Variants in SLC35F3 observed in about 807,000 individuals in gnomAD.
SLC35F3 encodes solute carrier family 35 member F3.
In SLC35F3, 25 loss-of-function variants were observed where a neutral mutation model predicts 49.9. That is an observed-to-expected ratio of 0.50 (90% CI 0.37 to 0.70). The LOEUF (loss-of-function observed/expected upper bound fraction) is 0.70, where lower values mean the gene tolerates loss of function less well. SLC35F3 is among the 30% of genes least tolerant of loss of function. The pLI, the probability that SLC35F3 is intolerant of heterozygous loss-of-function variation, is 0.00. For synonymous variants in SLC35F3, 275 were observed against 265.4 expected (o/e 1.04, Z -0.35); for missense variants, 525 against 639.8 (o/e 0.82, Z 1.94).
At chr1:234,264,398 A>G (rs1667950352) in intron 3 of SLC35F3, among the ~76,000 whole-genome samples, 1 of 152,130 alleles carries the variant, frequency 6.6e-6, no homozygotes. Context: ...ATCTCTCTGA[A>G]TCCAGCAAAA....
intron 2 of SLC35F3, among the ~76,000 whole-genome samples, chr1:233,955,018 A>AT (rs1662673537): frequency 6.6e-6 from 1 of 151,826 alleles, no homozygotes; most frequent in South Asian, 2.1e-4. Context: ...TAATTTTTGT[A>AT]TTTTTAGTGG....
In SLC35F3 at chr1:234,089,993, T is replaced by C. The variant is rs113383696; in HGVS notation, c.284-141424T>C. On this transcript the variant is annotated intron_variant, in intron 2 of 7. Transcript: ENST00000366618. ...AATACTTTCCTTTGCAGATCATATATATTTTTAAGTACATGGAAAGGTAGA... is the reference window on the plus strand; with the variant it reads ...AATACTTTCCTTTGCAGATCATATACATTTTTAAGTACATGGAAAGGTAGA... Among the ~76,000 whole-genome samples the C allele has an allele frequency of 2.0e-3, 301 of 152,356 alleles. 2 individuals are homozygous for C. The highest frequency in any genetic ancestry group is 7.0e-3 in the African/African-American group (290 of 41,586).
intron 2 of SLC35F3, among the ~76,000 whole-genome samples, chr1:234,191,151 A>G (rs1009527826): frequency 6.6e-6 from 1 of 152,152 alleles, no homozygotes; most frequent in African/African-American, 2.4e-5. Context: ...GCAGCCTCCA[A>G]CACATCAGCA....
chr1:234,239,835 G>A (rs148800469), intron 3 of SLC35F3, among the ~76,000 whole-genome samples: 214 of 152,258 alleles, frequency 1.4e-3, no homozygotes, highest in African/African-American at 5.0e-3. Flanking sequence ...CATGGTCATA[G>A]GTAAGTCAAC....
At chr1:234,232,912 T>TC (rs746927932) in intron 3 of SLC35F3, among the ~76,000 whole-genome samples, 23 of 152,216 alleles carry the variant, frequency 1.5e-4, no homozygotes, top group Non-Finnish European at 2.6e-4. Flanking sequence ...CAGAGGGAAT[T>TC]CTGGCTCCTT....
intron 2 of SLC35F3, among the ~76,000 whole-genome samples, chr1:233,966,630 T>G (rs1662910441): frequency 6.6e-6 from 1 of 152,028 alleles, no homozygotes; most frequent in Admixed American, 6.5e-5. Flanking sequence ...ATAAAGATCC[T>G]ATTAAAAAAA....
intron 3 of SLC35F3, among the ~76,000 whole-genome samples, chr1:234,264,099 ACT>A (rs2102969796): frequency 6.6e-6 from 1 of 152,212 alleles, no homozygotes; most frequent in East Asian, 1.9e-4. Context: ...ACAGAGCAAA[ACT>A]CTGTCTTAAC....
At chr1:234,007,899 G>A (rs1352523319) in intron 2 of SLC35F3, among the ~76,000 whole-genome samples, 1 of 152,154 alleles carries the variant, frequency 6.6e-6, no homozygotes, top group African/African-American at 2.4e-5. Context: ...TTTTTTACAT[G>A]TTGCTTTATA....
intron 2 of SLC35F3, among the ~76,000 whole-genome samples, chr1:234,108,749 AAAGATAT>A (rs1665347857): frequency 9.2e-6 from 1 of 108,534 alleles, no homozygotes. Context: ...TTTATATATA[AAAGATAT>A]ATATAAATAT....
At chr1:233,941,727 TA>T (rs1170395988) in intron 2 of SLC35F3, among the ~76,000 whole-genome samples, 1 of 151,288 alleles carries the variant, frequency 6.6e-6, no homozygotes, top group East Asian at 1.9e-4. Flanking sequence ...ACCAAAAAAA[TA>T]GTTTTCATTT....
At chr1:234,029,331 G>A (rs561686194) in intron 2 of SLC35F3, among the ~76,000 whole-genome samples, 52 of 152,314 alleles carry the variant, frequency 3.4e-4, no homozygotes, top group Admixed American at 2.2e-3. Context: ...GAGCATTCCC[G>A]CAGATGGCAC....
chr1:234,055,864 A>G (rs1362906864), intron 2 of SLC35F3, among the ~76,000 whole-genome samples: 25 of 152,288 alleles, frequency 1.6e-4, no homozygotes, highest in Non-Finnish European at 2.9e-5. Context: ...TTTTGTTACT[A>G]TTGTGGATAA....
intron 3 of SLC35F3, among the ~76,000 whole-genome samples, chr1:234,251,044 G>A (rs1667730942): frequency 6.6e-6 from 1 of 152,144 alleles, no homozygotes; most frequent in South Asian, 2.1e-4. Context: ...AAGGCTTGAG[G>A]TGCCTCCTGC....
In SLC35F3 at chr1:234,202,050, A is replaced by C. The variant is rs549684638; in HGVS notation, c.284-29367A>C. Among the ~76,000 whole-genome samples the C allele has an allele frequency of 3.3e-5, 5 of 152,340 alleles. No homozygotes were observed. In the South Asian group the frequency reaches 1.0e-3, roughly 32 times the overall value. On this transcript the variant is annotated intron_variant, in intron 2 of 7. Coordinates refer to ENST00000366618, the MANE Select transcript of SLC35F3 (RefSeq NM_173508.4). ...ATATACACCATGGAATACTATGCAT[A>C]TAGTATAAAAGGAACAAGCTATAAA...
At chr1:234,175,211 T>C (rs1384511768) in intron 2 of SLC35F3, among the ~76,000 whole-genome samples, 1 of 152,248 alleles carries the variant, frequency 6.6e-6, no homozygotes, top group Admixed American at 6.5e-5. Flanking sequence ...CTCTGTCTAA[T>C]CAAGGAGGCT....
chr1:234,071,890 C>T (rs900490784), intron 2 of SLC35F3, among the ~76,000 whole-genome samples: 3 of 152,174 alleles, frequency 2.0e-5, no homozygotes, highest in African/African-American at 7.2e-5. Context: ...CTCCACTATC[C>T]CTTGTCAATA....
At chr1:234,079,165 A>G (rs981679434) in intron 2 of SLC35F3, among the ~76,000 whole-genome samples, 12 of 152,212 alleles carry the variant, frequency 7.9e-5, no homozygotes, top group Non-Finnish European at 1.5e-5. Flanking sequence ...TCAGAAAGAA[A>G]CCCATATATA....
chr1:234,125,839 C>T (rs1417944488), intron 2 of SLC35F3, among the ~76,000 whole-genome samples: 1 of 152,218 alleles, frequency 6.6e-6, no homozygotes, highest in African/African-American at 2.4e-5. Context: ...TTTCATCTTG[C>T]ACCACAACCC....
chr1:234,250,108 T>C (rs550126022), intron 3 of SLC35F3, among the ~76,000 whole-genome samples: 3 of 152,364 alleles, frequency 2.0e-5, no homozygotes, highest in African/African-American at 7.2e-5. Flanking sequence ...ATATAACACC[T>C]GTGCCAGCAT....
Sources: gnomAD v4.1 joint callset for allele counts (sites outside exome capture counted in the v4.1 genomes callset) on GRCh38, gnomAD v4.1.1 for gene constraint, MANE v1.5 for transcripts, NCBI Gene and HGNC (gene_info 2026-07-23, HGNC 2026-07-21) for gene names.